Variants in CEMIP observed in about 807,000 individuals in gnomAD.
CEMIP encodes the protein cell migration-inducing and hyaluronan-binding protein.
Under a neutral mutation model 156.9 loss-of-function variants are expected in CEMIP, and 105 were observed. That is an observed-to-expected ratio of 0.67 (90% CI 0.57 to 0.79). The LOEUF is 0.79. Ranked by LOEUF, CEMIP falls within the 30% of genes least tolerant of loss-of-function variation. CEMIP has a pLI of 0.00. For missense variants in CEMIP, 1,457 were observed against 1,769.4 expected, an observed-to-expected ratio of 0.82 and a Z score of 3.17; for synonymous variants, 676 against 668.4, an observed-to-expected ratio of 1.01 and a Z score of -0.17.
At chr15:80,779,688 G>C (rs1285871433) in intron 1 of CEMIP, 74 bp downstream of exon 1, 1 of 152,534 alleles carries the variant, frequency 6.6e-6, no homozygotes, top group Non-Finnish European at 1.5e-5. Context: ...AGAAGTGGGG[G>C]CCCGCGCCTC....
chr15:80,827,464 C>T (rs924977408), intron 1 of CEMIP, among the ~76,000 whole-genome samples: 2 of 152,052 alleles, frequency 1.3e-5, no homozygotes, highest in Non-Finnish European at 2.9e-5. Flanking sequence ...ACTAAAAATA[C>T]AAAAATTAGC....
chr15:80,879,733 G>A lies in CEMIP; in HGVS notation c.259G>A (p.Asp87Asn). The change falls in exon 5 of 30, where the codon GAC becomes AAC. Residue 87 changes from aspartate (D) to asparagine (N), a missense_variant. Transcript: ENST00000394685. The stretch of plus-strand genomic sequence containing the variant: ...CTCTTCAGGCAAGCTGGTCATTAAA[G>A]ACCACGACGAGCCGATTGTTTTGCG... ...ISEGGKLVIK[D>N]HDEPIVLRTR... 1.9e-6 allele frequency: 3 copies of A among 1,614,174 alleles called. No homozygotes were observed. The highest frequency in any genetic ancestry group is 2.5e-6 in the Non-Finnish European group (3 of 1,180,046).
chr15:80,928,698 A>G (rs1456680474), intron 19 of CEMIP, among the ~76,000 whole-genome samples: 1 of 152,130 alleles, frequency 6.6e-6, no homozygotes, highest in Non-Finnish European at 1.5e-5. Flanking sequence ...CTAGAGTCAG[A>G]GTGGGAGGGG....
At chr15:80,940,354 G>A (rs139053847) in intron 25 of CEMIP, among the ~76,000 whole-genome samples, 620 of 152,326 alleles carry the variant, frequency 4.1e-3, no homozygotes, top group Middle Eastern at 6.8e-3. Context: ...TGGCAACAAG[G>A]AAACCTGAAT....
At position 80,878,791 on chromosome 15, in the gene CEMIP, T is replaced by G. The variant is rs1481630552; in HGVS notation, c.165T>G (p.His55Gln). ...PWNPGHDQDH[H>Q]VHIGQGKTLL... Reference sequence around the variant, plus strand: ...ACCCTGGCCATGACCAAGACCACCATGTGCATATCGGCCAGGGCAAGACAC... The same window carrying G: ...ACCCTGGCCATGACCAAGACCACCAGGTGCATATCGGCCAGGGCAAGACAC... The change falls in exon 4 of 30, where the codon CAT (histidine) becomes CAG (glutamine). Residue 55 changes from histidine (H) to glutamine (Q), a missense_variant. Physicochemically the swap from His to Gln is conservative, Grantham distance 24. Transcript: ENST00000394685. 1 of 1,614,062 alleles carries G rather than the reference T, an allele frequency of 6.2e-7. No individual in the cohort carries two copies. The highest frequency in any genetic ancestry group is 8.5e-7 in the Non-Finnish European group (1 of 1,180,042).
At position 80,937,798 on chromosome 15, in the gene CEMIP, G is replaced by A. The variant is rs1159120769; in HGVS notation, c.3226G>A (p.Asp1076Asn). Residue 1076 changes from aspartate to asparagine, a missense_variant, in exon 25 of 30, where the codon GAC (aspartate) becomes AAC (asparagine). This residue lies in a region of CEMIP where 798 missense variants were observed against 980.1 expected (regional missense o/e 0.81). Coordinates refer to ENST00000394685, the MANE Select transcript of CEMIP (RefSeq NM_001293298.2). Reference sequence around the variant, plus strand: ...TGACTCTACTTCCAATCCTAGGGGCGACTGGATCCGAGTGGGGCTCTGCTA... The same window carrying A: ...TGACTCTACTTCCAATCCTAGGGGCAACTGGATCCGAGTGGGGCTCTGCTA... ...AIWLINFNKG[D>N]WIRVGLCYPR... 19 of 1,614,066 alleles carry A rather than the reference G, an allele frequency of 1.2e-5. No homozygotes were observed. The highest frequency in any genetic ancestry group is 3.3e-5 in the Admixed American group (2 of 60,004).
At chr15:80,799,245 G>A (rs1410395023) in intron 1 of CEMIP, among the ~76,000 whole-genome samples, 1 of 152,226 alleles carries the variant, frequency 6.6e-6, no homozygotes. Context: ...GCCAAGTGAG[G>A]ATTAGCCCAG....
intron 1 of CEMIP, among the ~76,000 whole-genome samples, chr15:80,867,378 A>AC (rs1458383812): frequency 6.6e-6 from 1 of 152,236 alleles, no homozygotes; most frequent in Non-Finnish European, 1.5e-5. Context: ...TGGAAGAGAG[A>AC]CCAGGCTTTG....
intron 24 of CEMIP, among the ~76,000 whole-genome samples, 166 bp from the exon 25 acceptor site, chr15:80,937,628 A>G (rs555183469): frequency 6.6e-6 from 1 of 152,212 alleles, no homozygotes; most frequent in Non-Finnish European, 1.5e-5. Flanking sequence ...CTCCTTGAAC[A>G]CTGCAACTCA....
At chr15:80,794,375 G>A (rs1451253648) in intron 1 of CEMIP, among the ~76,000 whole-genome samples, 1 of 152,096 alleles carries the variant, frequency 6.6e-6, no homozygotes, top group Non-Finnish European at 1.5e-5. Flanking sequence ...TATTGCAGAG[G>A]CTGCTAGGCT....
At chr15:80,832,922 C>T (rs1897187818) in intron 1 of CEMIP, among the ~76,000 whole-genome samples, 1 of 152,140 alleles carries the variant, frequency 6.6e-6, no homozygotes, top group African/African-American at 2.4e-5. Context: ...TGGCTCTCAA[C>T]CGAAACCTCC....
intron 28 of CEMIP, 191 bp from the exon 29 acceptor site, chr15:80,946,774 G>A (rs1901573618): frequency 1.6e-6 from 1 of 618,580 alleles, no homozygotes; most frequent in Non-Finnish European, 3.0e-6. Context: ...GGGAGCTCAG[G>A]ATGTTCGTCA....
At chr15:80,833,935 G>T (rs987686104) in intron 1 of CEMIP, among the ~76,000 whole-genome samples, 3 of 152,196 alleles carry the variant, frequency 2.0e-5, no homozygotes, top group Non-Finnish European at 4.4e-5. Flanking sequence ...CTCCCAAAGT[G>T]CTGGGATTAC....
intron 1 of CEMIP, among the ~76,000 whole-genome samples, chr15:80,850,154 G>A (rs1897678422): frequency 6.6e-6 from 1 of 152,208 alleles, no homozygotes; most frequent in Non-Finnish European, 1.5e-5. Context: ...AGGGGTGGGA[G>A]AGGTGGGAGA....
At chr15:80,947,306 T>C (rs1901599360) in intron 29 of CEMIP, 4 of 493,728 alleles carry the variant, frequency 8.1e-6, no homozygotes, top group Admixed American at 6.6e-5. Context: ...TGAAAGAAAA[T>C]TGCTATATTT....
intron 1 of CEMIP, among the ~76,000 whole-genome samples, chr15:80,818,012 C>G (rs1195195110): frequency 6.6e-6 from 1 of 152,080 alleles, no homozygotes; most frequent in African/African-American, 2.4e-5. Flanking sequence ...TAGCATTTTT[C>G]CTATTTTACG....
chr15:80,887,306 C>A (rs1251786871), intron 7 of CEMIP, among the ~76,000 whole-genome samples: 1 of 152,148 alleles, frequency 6.6e-6, no homozygotes, highest in South Asian at 2.1e-4. Context: ...GAGAAATAAC[C>A]TTTCTCTCTT....
At chr15:80,818,427 G>C (rs1896837062) in intron 1 of CEMIP, among the ~76,000 whole-genome samples, 1 of 152,248 alleles carries the variant, frequency 6.6e-6, no homozygotes, top group South Asian at 2.1e-4. Context: ...GGGCCCAAAG[G>C]AGAAGAGAAT....
intron 1 of CEMIP, among the ~76,000 whole-genome samples, chr15:80,840,509 T>C (rs1041451647): frequency 1.3e-5 from 2 of 152,142 alleles, no homozygotes; most frequent in African/African-American, 4.8e-5. Context: ...GGAAGCTCCT[T>C]GAAGTTGGAA....
Sources: gnomAD v4.1 joint callset for allele counts (sites outside exome capture counted in the v4.1 genomes callset) on GRCh38, gnomAD v4.1.1 for gene constraint, gnomAD v4.1.1 regional missense constraint, MANE v1.5 for transcripts, NCBI Gene and HGNC (gene_info 2026-07-23, HGNC 2026-07-21) for gene names.